Variants in CLYBL observed in about 807,000 individuals in gnomAD.
The protein encoded by CLYBL is citramalyl-CoA lyase, mitochondrial.
A neutral mutation model predicts 38.9 loss-of-function variants in CLYBL; 31 were observed. The ratio of observed to expected loss-of-function variants is 0.80; its 90% CI spans 0.60 to 1.08. The LOEUF is 1.08. Among genes scored for constraint, CLYBL ranks in the 50% least tolerant of loss-of-function variants. The probability of loss-of-function intolerance (pLI) is 0.00; values close to 1 mark genes in which losing one functional copy is unlikely to be tolerated. For synonymous variants in CLYBL, 171 were observed against 158.6 expected (o/e 1.08, Z -0.59); for missense variants, 434 against 411.6 (o/e 1.05, Z -0.47).
At chr13:99,736,328 G>A (rs949379328) in intron 1 of CLYBL, among the ~76,000 whole-genome samples, 1 of 151,652 alleles carries the variant, frequency 6.6e-6, no homozygotes. Context: ...ATGAGCCACC[G>A]CACCCGGCCA....
At chr13:99,694,103 C>G (rs2047945891) in intron 1 of CLYBL, among the ~76,000 whole-genome samples, 1 of 152,242 alleles carries the variant, frequency 6.6e-6, no homozygotes, top group African/African-American at 2.4e-5. Context: ...CATCAAGGCA[C>G]TGGAACCTCT....
chr13:99,627,731 G>T (rs1050103452), intron 1 of CLYBL, among the ~76,000 whole-genome samples: 1 of 152,142 alleles, frequency 6.6e-6, no homozygotes, highest in African/African-American at 2.4e-5. Context: ...GCATTTATTA[G>T]TCAACCACTT....
At chr13:99,833,709 T>TTA (rs71114642) in intron 2 of CLYBL, among the ~76,000 whole-genome samples, 3 of 144,992 alleles carry the variant, frequency 2.1e-5, no homozygotes, top group East Asian at 2.0e-4. Flanking sequence ...TTTTTTTTTT[T>TTA]AGATGGAGTC....
At chr13:99,742,457 T>A (rs976501841) in intron 1 of CLYBL, among the ~76,000 whole-genome samples, 1 of 152,262 alleles carries the variant, frequency 6.6e-6, no homozygotes, top group Non-Finnish European at 1.5e-5. Flanking sequence ...CAGAGACTTA[T>A]GCCTGTTGCC....
intron 2 of CLYBL, among the ~76,000 whole-genome samples, chr13:99,839,584 C>T (rs1023020990): frequency 2.6e-5 from 4 of 151,796 alleles, no homozygotes; most frequent in Non-Finnish European, 5.9e-5. Flanking sequence ...AATAATGCTT[C>T]GTGTGTGTGT....
chr13:99,887,951 G>A (rs548872401), intron 7 of CLYBL, among the ~76,000 whole-genome samples: 2 of 151,918 alleles, frequency 1.3e-5, no homozygotes, highest in African/African-American at 4.8e-5. Context: ...TGCTTCCCAA[G>A]TTCAAGCAAT....
At chr13:99,728,342 G>A (rs1185701422) in intron 1 of CLYBL, among the ~76,000 whole-genome samples, 2 of 146,746 alleles carry the variant, frequency 1.4e-5, no homozygotes, top group African/African-American at 2.5e-5. Flanking sequence ...GCAGTGGCAC[G>A]ATTTCGGCTC....
chr13:99,692,590 C>T (rs1478302117), intron 1 of CLYBL, among the ~76,000 whole-genome samples: 1 of 152,110 alleles, frequency 6.6e-6, no homozygotes, highest in Admixed American at 6.5e-5. Context: ...CCGCCTCCAG[C>T]CATAAAGTTC....
chr13:99,612,695 A>G (rs2046646651), intron 1 of CLYBL, among the ~76,000 whole-genome samples: 1 of 152,020 alleles, frequency 6.6e-6, no homozygotes, highest in African/African-American at 2.4e-5. Flanking sequence ...TCCGGGGTCT[A>G]CTTTCTAAAT....
chr13:99,755,697 C>T (rs751502224), intron 1 of CLYBL, among the ~76,000 whole-genome samples: 9 of 152,162 alleles, frequency 5.9e-5, no homozygotes, highest in Non-Finnish European at 1.2e-4. Flanking sequence ...CTGTGCCCCA[C>T]GTTGATGCAG....
chr13:99,828,484 T>G (rs1048006435), intron 2 of CLYBL, among the ~76,000 whole-genome samples: 1 of 152,232 alleles, frequency 6.6e-6, no homozygotes. Context: ...TCTAAAATGG[T>G]ATCATTTCCT....
chr13:99,898,925 T>C (rs966243507), downstream of CLYBL, among the ~76,000 whole-genome samples: 1 of 152,216 alleles, frequency 6.6e-6, no homozygotes. Flanking sequence ...ATCCCTCTCC[T>C]GCTCTCGCCT....
At chr13:99,798,187 G>A (rs2050060827) in intron 2 of CLYBL, among the ~76,000 whole-genome samples, 1 of 152,168 alleles carries the variant, frequency 6.6e-6, no homozygotes, top group South Asian at 2.1e-4. Context: ...GAGAAGAAAC[G>A]TCTCTGTTTC....
At chr13:99,730,383 GCA>G (rs1319039350) in intron 1 of CLYBL, among the ~76,000 whole-genome samples, 1 of 152,254 alleles carries the variant, frequency 6.6e-6, no homozygotes, top group Non-Finnish European at 1.5e-5. Context: ...GGGCAGCCCA[GCA>G]CTGCCCAGGT....
intron 2 of CLYBL, among the ~76,000 whole-genome samples, chr13:99,800,640 G>A (rs543697894): frequency 4.6e-5 from 7 of 152,260 alleles, no homozygotes; most frequent in South Asian, 2.1e-4. Context: ...TTGGGAGGCC[G>A]AGGTGGGTGG....
At chr13:99,761,516 T>C (rs541597528) in intron 1 of CLYBL, among the ~76,000 whole-genome samples, 1 of 152,310 alleles carries the variant, frequency 6.6e-6, no homozygotes, top group East Asian at 1.9e-4. Flanking sequence ...TTTCATTCTT[T>C]TTTATGGCAA....
At chr13:99,846,842 T>C (rs2051217038) in intron 2 of CLYBL, among the ~76,000 whole-genome samples, 1 of 152,202 alleles carries the variant, frequency 6.6e-6, no homozygotes, top group Non-Finnish European at 1.5e-5. Flanking sequence ...AGGAGTCTCC[T>C]ACAGCAACGT....
chr13:99,907,868 C>G (rs571698897), intron 9 of CLYBL, among the ~76,000 whole-genome samples: 1 of 152,162 alleles, frequency 6.6e-6, no homozygotes, highest in Non-Finnish European at 1.5e-5. Context: ...AGCCGCAGCA[C>G]GTGGTTTCAT....
At chr13:99,701,472 T>A (rs59994647) in intron 1 of CLYBL, among the ~76,000 whole-genome samples, 3 of 151,416 alleles carry the variant, frequency 2.0e-5, no homozygotes, top group Non-Finnish European at 4.4e-5. Flanking sequence ...CCACCACGCC[T>A]GGCTAATTTT....
Sources: gnomAD v4.1 joint callset for allele counts (sites outside exome capture counted in the v4.1 genomes callset) on GRCh38, gnomAD v4.1.1 for gene constraint, MANE v1.5 for transcripts, NCBI Gene and HGNC (gene_info 2026-07-23, HGNC 2026-07-21) for gene names.